Variants in UBE2Z observed in about 807,000 individuals in gnomAD.
The protein encoded by UBE2Z is ubiquitin-conjugating enzyme E2 Z.
UBE2Z carries 10 observed loss-of-function variants against 32.6 expected under a neutral mutation model. The ratio of observed to expected loss-of-function variants is 0.31; its 90% CI spans 0.19 to 0.52. UBE2Z has a LOEUF of 0.52. Among genes scored for constraint, UBE2Z ranks in the 20% least tolerant of loss-of-function variants. The pLI is 0.97. For synonymous variants in UBE2Z, 183 were observed against 190.8 expected (o/e 0.96, Z 0.34); for missense variants, 343 against 480.9 (o/e 0.71, Z 2.68).
chr17:48,909,521 CTTCT>C (rs759832260), intron 1 of UBE2Z, among the ~76,000 whole-genome samples: 2 of 149,006 alleles, frequency 1.3e-5, no homozygotes, highest in African/African-American at 4.9e-5. Flanking sequence ...CACTCAGGAG[CTTCT>C]TTCTTGTAAT....
At chr17:48,923,622 C>CA (rs915995872) in intron 6 of UBE2Z, among the ~76,000 whole-genome samples, 888 of 72,822 alleles carry the variant, frequency 0.012, 7 homozygotes, top group African/African-American at 0.027. Flanking sequence ...AACTCGGTCT[C>CA]AAAAAAAAAA....
Position 48,908,565 on chromosome 17 carries a change from C to T in UBE2Z, c.62C>T (p.Ala21Val), listed in dbSNP as rs2143752838. 1 of 1,237,544 alleles carries T rather than the reference C, an allele frequency of 8.1e-7. No individual in the cohort carries two copies. The highest frequency in any genetic ancestry group is 3.2e-5 in the East Asian group (1 of 31,598). 76.7% of individuals were successfully genotyped at this position (1,237,544 alleles called of 1,614,324 possible). ...GGCGCCGGGGCGGCGGGCCCCGGGGCGAGCAGCGTTGCTGGTGTTGTTGGC... is the reference window on the plus strand; with the variant it reads ...GGCGCCGGGGCGGCGGGCCCCGGGGTGAGCAGCGTTGCTGGTGTTGTTGGC... ...TAGAGAAGPG[A>V]SSVAGVVGVS... The change falls in exon 1 of 7, where the codon GCG (alanine) becomes GTG (valine). Residue 21 changes from alanine to valine, a missense_variant. Around this residue, in one of 4 missense-constraint regions of UBE2Z, gnomAD observed 103 missense variants for 96.2 expected, o/e 1.07. Coordinates refer to ENST00000360943, the MANE Select transcript of UBE2Z (RefSeq NM_023079.5).
intron 6 of UBE2Z, among the ~76,000 whole-genome samples, chr17:48,923,515 C>A (rs1010627429): frequency 2.0e-5 from 3 of 151,624 alleles, no homozygotes; most frequent in African/African-American, 7.3e-5. Flanking sequence ...GCCTATAATC[C>A]CGGCTACTTG....
chr17:48,926,292 GT>G (rs959987277), intron 6 of UBE2Z, among the ~76,000 whole-genome samples: 4 of 152,084 alleles, frequency 2.6e-5, no homozygotes, highest in Admixed American at 2.6e-4. Flanking sequence ...ACCTTCTGTG[GT>G]TTTTATGAGG....
At chr17:48,921,420 T>C in intron 5 of UBE2Z, 148 bp downstream of exon 5, 1 of 664,378 alleles carries the variant, frequency 1.5e-6, no homozygotes, top group Non-Finnish European at 2.6e-6. Flanking sequence ...TGGCTGAGGG[T>C]TACCCAAGAG....
intron 2 of UBE2Z, 66 bp from the exon 3 acceptor site, chr17:48,912,768 G>A (rs1041138728): frequency 2.5e-6 from 4 of 1,576,514 alleles, no homozygotes; most frequent in African/African-American, 2.7e-5. Flanking sequence ...AGTAGGTGGA[G>A]GGTAGCCAGG....
Position 48,916,259 on chromosome 17 carries a change from T to TTTTTTTG in UBE2Z, c.690+78_690+79insGTTTTTT, listed in dbSNP as rs1555580102. ...TTTGTTTGGTTGGTTGGTTTTTTTG[T>TTTTTTTG]TTTTTTTTTTTTTTGAGACAGAGTC... On this transcript the variant is annotated intron_variant, in intron 4 of 6. Transcript: ENST00000360943. 2.6e-4 allele frequency: 78 copies of TTTTTTTG among 304,804 alleles called. No homozygotes were observed. In the East Asian group the frequency reaches 3.4e-3, roughly 13 times the overall value. The allele number at this position is 304,804 out of a possible 1,614,324, so 18.9% of individuals were successfully genotyped here.
intron 4 of UBE2Z, 25 bp from the exon 5 acceptor site, chr17:48,921,135 T>A: frequency 6.3e-7 from 1 of 1,583,428 alleles, no homozygotes; most frequent in Non-Finnish European, 8.6e-7. Context: ...ATTTTTGGAA[T>A]ACTCTGGCAT....
In UBE2Z at chr17:48,918,071, G is replaced by A. The variant is rs149716641; in HGVS notation, c.690+1884G>A. On this transcript the variant is annotated intron_variant, in intron 4 of 6. Transcript: ENST00000360943. ...TCTGCCTCAGCCTCCCGAGTAGCTG[G>A]GATTACGGGCACGCACCACCACACC... 7.7e-3 allele frequency among the ~76,000 whole-genome samples: 1,164 copies of A among 152,092 alleles called. 25 individuals are homozygous for A. In the East Asian group the frequency reaches 0.093, roughly 12 times the overall value.
In UBE2Z at chr17:48,908,959, C is replaced by G. The variant is rs1414505210; in HGVS notation, c.317+139C>G. ...CCCACCTCCACGGCCCAAATCTTGCCAGCTCCGGGCGTCGGGATCCAACTC... is the reference window on the plus strand; with the variant it reads ...CCCACCTCCACGGCCCAAATCTTGCGAGCTCCGGGCGTCGGGATCCAACTC... On this transcript the variant is annotated intron_variant, in intron 1 of 6. Transcript: ENST00000360943. 6 of 519,854 alleles carry G rather than the reference C, an allele frequency of 1.2e-5. No homozygotes were observed. In the Admixed American group the frequency reaches 1.4e-4, roughly 13 times the overall value. 32.2% of individuals were successfully genotyped at this position (519,854 alleles called of 1,614,324 possible).
At chr17:48,924,994 C>T (rs185917370) in intron 6 of UBE2Z, among the ~76,000 whole-genome samples, 12 of 151,694 alleles carry the variant, frequency 7.9e-5, no homozygotes, top group Non-Finnish European at 1.6e-4. Context: ...AAATGGGATA[C>T]TCGTGGGGCC....
chr17:48,908,551 G>T lies in UBE2Z; in HGVS notation c.48G>T (p.Ala16=). 8.9e-6 allele frequency: 11 copies of T among 1,236,888 alleles called. No homozygotes were observed. Among genetic ancestry groups the T allele is most frequent in the Non-Finnish European group, 1.0e-5 (10 of 988,590 alleles). The allele number at this position is 1,236,888 out of a possible 1,614,324, so 76.6% of individuals were successfully genotyped here. A position where few individuals can be genotyped will look rare whatever the true frequency, so the allele number is the denominator to read the frequency against. ...TEEAATAGAG[A]AGPGASSVAG... Reference sequence around the variant, plus strand: ...AGGCGGCAACGGCGGGCGCCGGGGCGGCGGGCCCCGGGGCGAGCAGCGTTG... The same window carrying T: ...AGGCGGCAACGGCGGGCGCCGGGGCTGCGGGCCCCGGGGCGAGCAGCGTTG... The change falls in exon 1 of 7, where the codon GCG becomes GCT. Residue 16 remains alanine (A), a synonymous_variant. Coordinates refer to ENST00000360943, the MANE Select transcript of UBE2Z (RefSeq NM_023079.5).
chr17:48,913,513 C>T (rs1337123647), intron 3 of UBE2Z, among the ~76,000 whole-genome samples: 1 of 152,194 alleles, frequency 6.6e-6, no homozygotes, highest in Non-Finnish European at 1.5e-5. Context: ...CACCACCACA[C>T]CTAGCTAATT....
intron 3 of UBE2Z, among the ~76,000 whole-genome samples, chr17:48,913,916 G>T (rs896126969): frequency 6.6e-6 from 1 of 151,832 alleles, no homozygotes; most frequent in Admixed American, 6.6e-5. Flanking sequence ...TTGTTTTGTT[G>T]GTAGAGGCAG....
At chr17:48,910,629 C>T in intron 1 of UBE2Z, 179 bp from the exon 2 acceptor site, 1 of 520,504 alleles carries the variant, frequency 1.9e-6, no homozygotes, top group Non-Finnish European at 3.5e-6. Flanking sequence ...TCTCTGCCTG[C>T]CTGACAAGTA....
chr17:48,924,311 C>G (rs2040782498), intron 6 of UBE2Z, among the ~76,000 whole-genome samples: 1 of 152,152 alleles, frequency 6.6e-6, no homozygotes, highest in Admixed American at 6.6e-5. Context: ...TTCAGCCCTC[C>G]CAGAATCTTA....
At chr17:48,917,283 C>G (rs546777831) in intron 4 of UBE2Z, among the ~76,000 whole-genome samples, 45 of 151,878 alleles carry the variant, frequency 3.0e-4, no homozygotes, top group Non-Finnish European at 5.9e-4. Context: ...CCAGCCTGAG[C>G]GACAGAGCGA....
At chr17:48,918,808 G>A (rs1038117267) in intron 4 of UBE2Z, among the ~76,000 whole-genome samples, 86 of 143,332 alleles carry the variant, frequency 6.0e-4, no homozygotes, top group African/African-American at 2.0e-3. Flanking sequence ...GTGCAGTGGT[G>A]TGATCTCAGC....
At chr17:48,917,840 C>A (rs143698345) in intron 4 of UBE2Z, among the ~76,000 whole-genome samples, 2 of 152,168 alleles carry the variant, frequency 1.3e-5, no homozygotes, top group South Asian at 4.1e-4. Context: ...CCCACTCTTC[C>A]GATGTGCCTT....
Sources: allele counts gnomAD v4.1 joint callset (sites outside exome capture counted in the v4.1 genomes callset), GRCh38; gene constraint gnomAD v4.1.1; regional missense constraint gnomAD v4.1.1; transcripts MANE v1.5; gene names NCBI Gene and HGNC (gene_info 2026-07-23, HGNC 2026-07-21).